NRG1: variants seen among roughly 807,000 people sequenced by gnomAD.
NRG1 encodes neuregulin 1, also known as pro-neuregulin-1, membrane-bound isoform.
A neutral mutation model predicts 63.8 loss-of-function variants in NRG1; 18 were observed. The ratio of observed to expected loss-of-function variants is 0.28; its 90% CI spans 0.19 to 0.42. NRG1 has a LOEUF of 0.42. Among genes scored for constraint, NRG1 ranks in the 10% least tolerant of loss-of-function variants. The pLI is 1.00. For synonymous variants in NRG1, 302 were observed against 301.3 expected (o/e 1.00, Z -0.02); for missense variants, 762 against 814.7 (o/e 0.94, Z 0.79).
At chr8:32,771,715 A>AAAAAAAAAAATATAT (rs1343943621), downstream of NRG1, among the ~76,000 whole-genome samples, 1 of 111,848 alleles carries the variant, frequency 8.9e-6, no homozygotes. Flanking sequence ...TTAAAAAAAA[A>AAAAAAAAAAATATAT]ATATATATAT....
chr8:31,920,909 T>TAGATAGATAGATAGAC (rs1554576955), intron 1 of NRG1, among the ~76,000 whole-genome samples: 104 of 151,582 alleles, frequency 6.9e-4, no homozygotes, highest in African/African-American at 2.4e-3. Context: ...GATAGATAGA[T>TAGATAGATAGATAGAC]AGATAGATAG....
At chr8:32,444,106 T>TTCTG (rs368653087) in intron 1 of NRG1, among the ~76,000 whole-genome samples, 1,725 of 149,420 alleles carry the variant, frequency 0.012, 38 homozygotes, top group African/African-American at 0.039. Context: ...TCCTCTTTCT[T>TTCTG]TCTGTCTGTC....
chr8:32,363,434 G>A (rs545507837), intron 1 of NRG1, among the ~76,000 whole-genome samples: 1 of 152,270 alleles, frequency 6.6e-6, no homozygotes, highest in South Asian at 2.1e-4. Flanking sequence ...TTGCTTCTTG[G>A]TATACGGGTA....
chr8:32,588,984 T>A (rs1045808266), intron 1 of NRG1, among the ~76,000 whole-genome samples: 3 of 152,066 alleles, frequency 2.0e-5, no homozygotes, highest in Admixed American at 2.0e-4. Context: ...GAGCACAACA[T>A]CACCACAGGT....
intron 1 of NRG1, among the ~76,000 whole-genome samples, chr8:32,273,811 C>G (rs925498435): frequency 6.6e-6 from 1 of 152,118 alleles, no homozygotes; most frequent in African/African-American, 2.4e-5. Context: ...CAGAAATATG[C>G]TGGATGTGTT....
rs142695933 is a variant in NRG1 at position 32,330,454 on chromosome 8, C to T, written c.38-265374C>T. 2.2e-3 allele frequency among the ~76,000 whole-genome samples: 341 copies of T among 152,242 alleles called. 2 individuals are homozygous for T. The highest frequency in any genetic ancestry group is 8.0e-3 in the African/African-American group (331 of 41,544). On this transcript the variant is annotated intron_variant, in intron 1 of 10. Transcript: ENST00000519301. ...CAGTAGGTTTATTGGGGAGTGTTCT[C>T]AGGAATGCCTGTGGGGAAGTGAAGG...
chr8:32,639,647 G>C (rs900286849), intron 5 of NRG1, among the ~76,000 whole-genome samples: 1 of 152,082 alleles, frequency 6.6e-6, no homozygotes, highest in African/African-American at 2.4e-5. Flanking sequence ...ATTTTAAGCA[G>C]GAGATTTAAA....
At chr8:31,736,602 C>T (rs1260055610) in intron 1 of NRG1, among the ~76,000 whole-genome samples, 2 of 152,180 alleles carry the variant, frequency 1.3e-5, no homozygotes, top group African/African-American at 2.4e-5. Context: ...AGACCTGCCA[C>T]TAACTAGACA....
At chr8:32,521,567 A>G (rs4733349) in intron 1 of NRG1, among the ~76,000 whole-genome samples, 23,782 of 152,210 alleles carry the variant, frequency 0.16, 2,419 homozygotes, top group Admixed American at 0.3. Flanking sequence ...ATAAAACTCA[A>G]AGACAGAGAA....
chr8:32,014,695 G>A (rs1292867237), intron 1 of NRG1, among the ~76,000 whole-genome samples: 2 of 151,638 alleles, frequency 1.3e-5, no homozygotes, highest in Non-Finnish European at 2.9e-5. Flanking sequence ...TCTATTATGA[G>A]TTGAATTTTG....
At chr8:32,129,987 A>G (rs1834594539) in intron 1 of NRG1, among the ~76,000 whole-genome samples, 1 of 151,960 alleles carries the variant, frequency 6.6e-6, no homozygotes, top group East Asian at 1.9e-4. Context: ...ATGATAATCC[A>G]TCACCAAATA....
intron 1 of NRG1, among the ~76,000 whole-genome samples, chr8:32,166,869 A>G (rs988607890): frequency 6.6e-6 from 1 of 152,206 alleles, no homozygotes; most frequent in Non-Finnish European, 1.5e-5. Flanking sequence ...ATAGGCTGCA[A>G]CTGATGGAAT....
intron 1 of NRG1, among the ~76,000 whole-genome samples, chr8:32,358,371 A>G (rs1340399594): frequency 2.0e-4 from 4 of 20,244 alleles, no homozygotes; most frequent in African/African-American, 4.7e-4. Context: ...CATTTATGAA[A>G]AAAAAAAAAA....
At chr8:31,971,622 G>T (rs533648623) in intron 1 of NRG1, among the ~76,000 whole-genome samples, 64 of 152,040 alleles carry the variant, frequency 4.2e-4, no homozygotes, top group Non-Finnish European at 7.1e-4. Context: ...GCTTTTAAAT[G>T]CAGTACTTTG....
intron 1 of NRG1, among the ~76,000 whole-genome samples, chr8:32,474,891 C>T (rs1824312315): frequency 6.6e-6 from 1 of 152,018 alleles, no homozygotes; most frequent in African/African-American, 2.4e-5. Context: ...CTGGTATGGC[C>T]TCATTTGTCG....
At chr8:32,505,976 G>T (rs12547554) in intron 1 of NRG1, among the ~76,000 whole-genome samples, 1 of 152,014 alleles carries the variant, frequency 6.6e-6, no homozygotes, top group Non-Finnish European at 1.5e-5. Flanking sequence ...GAGGTGAGGC[G>T]TGGTGGCTCA....
chr8:32,748,475 T>G (rs1589572249), intron 7 of NRG1, among the ~76,000 whole-genome samples: 2 of 152,044 alleles, frequency 1.3e-5, no homozygotes, highest in East Asian at 3.9e-4. Flanking sequence ...GTGTCATCCC[T>G]GGAGATTTTT....
At chr8:32,659,004 G>A (rs1029936544) in intron 5 of NRG1, among the ~76,000 whole-genome samples, 6 of 152,192 alleles carry the variant, frequency 3.9e-5, no homozygotes, top group Non-Finnish European at 7.3e-5. Context: ...AAGAGGAAGA[G>A]TAACTACTTG....
At chr8:32,295,953 AAAAG>A (rs200108574) in intron 1 of NRG1, among the ~76,000 whole-genome samples, 15 of 151,236 alleles carry the variant, frequency 9.9e-5, no homozygotes, top group Middle Eastern at 3.4e-3. Context: ...AAAAAAAAAA[AAAAG>A]AGAGAGAGAG....
Sources: allele counts gnomAD v4.1 joint callset (sites outside exome capture counted in the v4.1 genomes callset), GRCh38; gene constraint gnomAD v4.1.1; transcripts MANE v1.5; gene names NCBI Gene and HGNC (gene_info 2026-07-23, HGNC 2026-07-21).